ZNF451: variants seen among roughly 807,000 people sequenced by gnomAD.
ZNF451 encodes E3 SUMO-protein ligase ZNF451.
In ZNF451, 80 loss-of-function variants were observed where a neutral mutation model predicts 107.1. The observed-to-expected ratio is 0.75, with a 90% CI of 0.62 to 0.90. The LOEUF (loss-of-function observed/expected upper bound fraction) is 0.90, where lower values mean the gene tolerates loss of function less well. ZNF451 is among the 40% of genes least tolerant of loss of function. The probability of loss-of-function intolerance (pLI) is 0.00; values close to 1 mark genes in which losing one functional copy is unlikely to be tolerated. For missense variants in ZNF451, 1,107 were observed against 1,236.2 expected (o/e 0.90, Z 1.57); for synonymous variants, 362 against 406.5 (o/e 0.89, Z 1.32).
intron 5 of ZNF451, among the ~76,000 whole-genome samples, chr6:57,131,826 A>T (rs1831191223): frequency 6.6e-6 from 1 of 152,210 alleles, no homozygotes; most frequent in Admixed American, 6.5e-5. Flanking sequence ...TCCACAAGAG[A>T]TAGTAATAAA....
intron 13 of ZNF451, among the ~76,000 whole-genome samples, chr6:57,157,688 T>C (rs1763492502): frequency 6.6e-6 from 1 of 152,194 alleles, no homozygotes; most frequent in African/African-American, 2.4e-5. Context: ...TATATTGTAC[T>C]TATCCTCACT....
At chr6:57,146,042 TG>T (rs1428659464) in intron 9 of ZNF451, among the ~76,000 whole-genome samples, 1 of 152,154 alleles carries the variant, frequency 6.6e-6, no homozygotes, top group Non-Finnish European at 1.5e-5. Flanking sequence ...AGTTCTCTGA[TG>T]ATTAGTAATG....
intron 2 of ZNF451, among the ~76,000 whole-genome samples, chr6:57,094,449 C>T (rs1039832440): frequency 6.6e-6 from 1 of 152,134 alleles, no homozygotes. Context: ...GCTGGGACTA[C>T]AGGTGCACTC....
intron 3 of ZNF451, among the ~76,000 whole-genome samples, chr6:57,119,958 G>A (rs1425471580): frequency 6.6e-6 from 1 of 151,980 alleles, no homozygotes; most frequent in African/African-American, 2.4e-5. Flanking sequence ...TTACATTAGG[G>A]TTCACACTTG....
At chr6:57,145,691 A>G (rs956671736) in intron 9 of ZNF451, among the ~76,000 whole-genome samples, 5 of 152,102 alleles carry the variant, frequency 3.3e-5, no homozygotes, top group African/African-American at 4.8e-5. Context: ...TCTTTATTCA[A>G]TAATCCATTG....
chr6:57,164,955 A>G (rs1480827344), intron 14 of ZNF451: 1 of 152,136 alleles, frequency 6.6e-6, no homozygotes, highest in Non-Finnish European at 1.5e-5. Flanking sequence ...TCAATCTGAG[A>G]GATTCTCTTT....
At chr6:57,161,507 A>G (rs970322142) in intron 14 of ZNF451, among the ~76,000 whole-genome samples, 4 of 149,672 alleles carry the variant, frequency 2.7e-5, no homozygotes, top group African/African-American at 9.9e-5. Flanking sequence ...CCCCTCAAAT[A>G]ATTATTTTCT....
At chr6:57,124,005 TCTTA>T (rs1830776438) in intron 3 of ZNF451, among the ~76,000 whole-genome samples, 1 of 152,342 alleles carries the variant, frequency 6.6e-6, no homozygotes, top group East Asian at 1.9e-4. Context: ...CTTTTTCTCA[TCTTA>T]CTTCATTAGC....
chr6:57,103,282 A>C, intron 3 of ZNF451: 1 of 985,428 alleles, frequency 1.0e-6, no homozygotes, highest in Non-Finnish European at 1.2e-6. Context: ...CAAGCCACAC[A>C]GCTCTGTTTC....
At chr6:57,159,361 CTTGACT>C (rs1357418689) in intron 13 of ZNF451, 1 of 985,238 alleles carries the variant, frequency 1.0e-6, no homozygotes, top group Non-Finnish European at 1.2e-6. Flanking sequence ...TTTGACTGAT[CTTGACT>C]TTAAATTGTA....
intron 2 of ZNF451, among the ~76,000 whole-genome samples, chr6:57,095,816 T>G (rs1238733376): frequency 6.7e-6 from 1 of 150,138 alleles, no homozygotes; most frequent in Non-Finnish European, 1.5e-5. Flanking sequence ...TTTTTTTTTT[T>G]GTTGTTGTTG....
chr6:57,159,360 T>A, intron 13 of ZNF451: 1 of 985,432 alleles, frequency 1.0e-6, no homozygotes, highest in Non-Finnish European at 1.2e-6. Context: ...TTTTGACTGA[T>A]CTTGACTTTA....
At chr6:57,124,555 A>G (rs1209414279) in intron 3 of ZNF451, 179 bp from the exon 4 acceptor site, 2 of 703,084 alleles carry the variant, frequency 2.8e-6, no homozygotes, top group African/African-American at 3.6e-5. Context: ...TTGAAAACCA[A>G]AGATGCTGGT....
chr6:57,136,858 C>G (rs1008990356), intron 7 of ZNF451, among the ~76,000 whole-genome samples: 2 of 152,062 alleles, frequency 1.3e-5, no homozygotes, highest in Non-Finnish European at 2.9e-5. Context: ...CTGTTTTGCA[C>G]TCCTTTTTGC....
Position 57,112,200 on chromosome 6 carries a change from G to T in ZNF451, c.187-12534G>T, listed in dbSNP as rs140297174. On this transcript the variant is annotated intron_variant, in intron 3 of 14. Coordinates refer to ENST00000370706, the MANE Select transcript of ZNF451 (RefSeq NM_001031623.3). ...GGGGCTTCTGGTAAACAGAACTTTG[G>T]GGGGTGGTGCAAACTTCAGACCAAA... Among the ~76,000 whole-genome samples, 188 of 152,080 alleles carry T rather than the reference G, an allele frequency of 1.2e-3. 1 individual carries two copies. The highest frequency in any genetic ancestry group is 2.3e-3 in the Non-Finnish European group (158 of 67,930).
chr6:57,093,597 T>C (rs569723641), intron 2 of ZNF451, among the ~76,000 whole-genome samples: 39 of 152,312 alleles, frequency 2.6e-4, no homozygotes, highest in African/African-American at 9.4e-4. Context: ...AAATAGTCCT[T>C]AGAGGTAGTA....
In ZNF451 at chr6:57,133,037, T is replaced by A. The variant is rs552715325; in HGVS notation, c.425-5T>A. 6.2e-7 allele frequency: 1 copy of A among 1,614,072 alleles called. No homozygotes were observed. The highest frequency in any genetic ancestry group is 1.7e-5 in the Admixed American group (1 of 60,028). On this transcript the variant is annotated splice_region_variant and splice_polypyrimidine_tract_variant and intron_variant, in intron 5 of 14. Coordinates refer to ENST00000370706, the MANE Select transcript of ZNF451 (RefSeq NM_001031623.3). ...AACCTAAGAATTCATATTCTGATGA[T>A]GCAGGACTCAAAACAGGCACAATTA... is the stretch of plus-strand genomic sequence containing the variant.
At chr6:57,116,983 T>G (rs1192321847) in intron 3 of ZNF451, 1 of 151,860 alleles carries the variant, frequency 6.6e-6, no homozygotes, top group African/African-American at 2.4e-5. Flanking sequence ...AGGGAAGAAG[T>G]AAGCCCAAAG....
intron 13 of ZNF451, among the ~76,000 whole-genome samples, chr6:57,155,400 C>T (rs922415302): frequency 2.0e-5 from 3 of 152,084 alleles, no homozygotes; most frequent in African/African-American, 4.8e-5. Flanking sequence ...GCAGGAGAAT[C>T]GCTTGAACCC....
Sources: allele counts gnomAD v4.1 joint callset (sites outside exome capture counted in the v4.1 genomes callset), GRCh38; gene constraint gnomAD v4.1.1; transcripts MANE v1.5; gene names NCBI Gene and HGNC (gene_info 2026-07-23, HGNC 2026-07-21).